Variants in GHR observed in about 807,000 individuals in gnomAD.
GHR encodes the protein GH receptor.
Under a neutral mutation model 67.1 loss-of-function variants are expected in GHR, and 35 were observed. The ratio of observed to expected loss-of-function variants is 0.52; its 90% CI spans 0.40 to 0.69. The LOEUF is 0.69. Among genes scored for constraint, GHR ranks in the 30% least tolerant of loss-of-function variants. The pLI is 0.00. For missense variants in GHR, 792 were observed against 764.6 expected (o/e 1.04, Z -0.42); for synonymous variants, 272 against 269.1 (o/e 1.01, Z -0.10).
chr5:42,719,165 A>T lies in GHR; in HGVS notation c.1658A>T (p.Glu553Val), dbSNP rs1758890001. Residue 553 changes from glutamate (E) to valine (V), a missense_variant, in exon 10 of 10, where the codon GAA (glutamate) becomes GTA (valine). Glu to Val is a moderately radical substitution (Grantham distance 121, BLOSUM62 -2). Coordinates refer to ENST00000230882, the MANE Select transcript of GHR (RefSeq NM_000163.5). Reference sequence around the variant, plus strand: ...CCTGTGGCTCCTCACATCAAGGTTGAATCACACATACAGCCAAGCTTAAAC... The same window carrying T: ...CCTGTGGCTCCTCACATCAAGGTTGTATCACACATACAGCCAAGCTTAAAC... ...CIPVAPHIKV[E>V]SHIQPSLNQE... 6.2e-7 allele frequency: 1 copy of T among 1,614,034 alleles called. No individual in the cohort carries two copies. The highest frequency in any genetic ancestry group is 8.5e-7 in the Non-Finnish European group (1 of 1,180,006).
At chr5:42,693,428 C>G (rs1033070903) in intron 4 of GHR, among the ~76,000 whole-genome samples, 1 of 151,992 alleles carries the variant, frequency 6.6e-6, no homozygotes, top group Non-Finnish European at 1.5e-5. Context: ...CATGAACCAC[C>G]GTACCCAGCC....
chr5:42,525,663 C>T (rs976401625), intron 1 of GHR, among the ~76,000 whole-genome samples: 2 of 152,152 alleles, frequency 1.3e-5, no homozygotes, highest in African/African-American at 4.8e-5. Flanking sequence ...GCTGTGTCCC[C>T]ACCCAAATCT....
chr5:42,716,914 A>G (rs1758752742), intron 8 of GHR, among the ~76,000 whole-genome samples: 1 of 152,226 alleles, frequency 6.6e-6, no homozygotes, highest in Non-Finnish European at 1.5e-5. Context: ...TCTTCATGAC[A>G]GTGTCATCTC....
intron 1 of GHR, among the ~76,000 whole-genome samples, chr5:42,449,426 G>A (rs1743952961): frequency 6.6e-6 from 1 of 152,058 alleles, no homozygotes; most frequent in South Asian, 2.1e-4. Context: ...TTCTTGATTT[G>A]ACTCTCAGCT....
At chr5:42,664,730 A>C (rs902143216) in intron 3 of GHR, among the ~76,000 whole-genome samples, 21 of 152,244 alleles carry the variant, frequency 1.4e-4, no homozygotes, top group Middle Eastern at 6.8e-3. Flanking sequence ...CAACAAAAGC[A>C]AAAATTGACA....
At chr5:42,684,852 C>A (rs906443067) in intron 3 of GHR, among the ~76,000 whole-genome samples, 1 of 152,176 alleles carries the variant, frequency 6.6e-6, no homozygotes, top group African/African-American at 2.4e-5. Context: ...TCAGGATTTT[C>A]TGAAGATTCA....
intron 1 of GHR, among the ~76,000 whole-genome samples, chr5:42,492,765 T>C (rs944360222): frequency 2.0e-5 from 3 of 152,176 alleles, no homozygotes; most frequent in African/African-American, 7.2e-5. Context: ...AGCTTAAAGG[T>C]ACTCTTAAGA....
At chr5:42,699,291 G>A (rs1290509299) in intron 5 of GHR, among the ~76,000 whole-genome samples, 1 of 151,000 alleles carries the variant, frequency 6.6e-6, no homozygotes, top group East Asian at 2.0e-4. Flanking sequence ...TGAAAGTACA[G>A]CTGACGGAAT....
intron 4 of GHR, among the ~76,000 whole-genome samples, chr5:42,691,297 T>C (rs914301116): frequency 6.6e-6 from 1 of 152,222 alleles, no homozygotes; most frequent in Non-Finnish European, 1.5e-5. Context: ...ACTTACAAAA[T>C]TAGATATTTG....
chr5:42,719,164 G>A lies in GHR; in HGVS notation c.1657G>A (p.Glu553Lys), dbSNP rs1371792355. The change falls in exon 10 of 10, where the codon GAA becomes AAA. Residue 553 changes from glutamate to lysine, a missense_variant. Physicochemically the swap from Glu to Lys is moderately conservative, Grantham distance 56. Coordinates refer to ENST00000230882, the MANE Select transcript of GHR (RefSeq NM_000163.5). ...CIPVAPHIKV[E>K]SHIQPSLNQE... Reference sequence around the variant, plus strand: ...CCCTGTGGCTCCTCACATCAAGGTTGAATCACACATACAGCCAAGCTTAAA... The same window carrying A: ...CCCTGTGGCTCCTCACATCAAGGTTAAATCACACATACAGCCAAGCTTAAA... 2.5e-6 allele frequency: 4 copies of A among 1,614,124 alleles called. No individual in the cohort carries two copies. The highest frequency in any genetic ancestry group is 1.1e-5 in the South Asian group (1 of 91,078).
Position 42,600,918 on chromosome 5 carries a change from C to CTTTTTTTTTT in GHR, c.71-28104_71-28095dup, listed in dbSNP as rs933355797. Among the ~76,000 whole-genome samples, 199 of 66,710 alleles carry CTTTTTTTTTT rather than the reference C, an allele frequency of 3.0e-3. 2 individuals are homozygous for CTTTTTTTTTT. Among genetic ancestry groups the CTTTTTTTTTT allele is most frequent in the Admixed American group, 4.6e-3 (20 of 4,360 alleles). The allele number at this position is 66,710 out of a possible 152,430, so 43.8% of individuals were successfully genotyped here. ...GAAATTAAAATCTATTCTTTCTATT[C>CTTTTTTTTTT]TTTTTTTTTTTTTTTTTTTTTTTTT... On this transcript the variant is annotated intron_variant, in intron 2 of 9. Transcript: ENST00000230882.
At chr5:42,472,851 C>T (rs916968521) in intron 1 of GHR, among the ~76,000 whole-genome samples, 1 of 152,130 alleles carries the variant, frequency 6.6e-6, no homozygotes, top group African/African-American at 2.4e-5. Context: ...ACCAGGTCAT[C>T]CCAGAGGTTC....
chr5:42,719,966 T>TA lies in GHR; in HGVS notation c.*542_*543insA, dbSNP rs11369980. The TA allele has an allele frequency of 0.76, 138,675 of 182,544 alleles. 53,345 individuals are homozygous for TA. The highest frequency in any genetic ancestry group is 1 in the East Asian group (6,646 of 6,652). The allele number at this position is 182,544 out of a possible 1,614,324, so 11.3% of individuals were successfully genotyped here. A position where few individuals can be genotyped will look rare whatever the true frequency, so the allele number is the denominator to read the frequency against. On this transcript the variant is annotated 3_prime_UTR_variant, in exon 10 of 10. Transcript: ENST00000230882. ...TATTTTGACATAAAGTTGATAAAGATTTTTTAATAATTTAGACTTCAAGCA... is the reference window on the plus strand; with the variant it reads ...TATTTTGACATAAAGTTGATAAAGATATTTTTAATAATTTAGACTTCAAGCA...
At chr5:42,548,364 C>T in intron 1 of GHR, 2 of 985,266 alleles carry the variant, frequency 2.0e-6, no homozygotes, top group Non-Finnish European at 2.4e-6. Flanking sequence ...GGGATCCCAC[C>T]TCCAACCCCT....
intron 3 of GHR, among the ~76,000 whole-genome samples, chr5:42,662,475 G>A (rs1216903044): frequency 6.6e-6 from 1 of 152,092 alleles, no homozygotes; most frequent in Admixed American, 6.5e-5. Context: ...TCAACTACAT[G>A]GAAACTGAAC....
In GHR at chr5:42,569,365, A is replaced by G. The variant is rs146352979; in HGVS notation, c.70+3421A>G. ...CCAGGGTGTGTGGTACATAGGTGCT[A>G]TATTTGTAATTATTCCCTTTGGAAG... On this transcript the variant is annotated intron_variant, in intron 2 of 9. Transcript: ENST00000230882. 3.1e-3 allele frequency among the ~76,000 whole-genome samples: 474 copies of G among 152,330 alleles called. 1 individual carries two copies. The highest frequency in any genetic ancestry group is 0.011 in the African/African-American group (457 of 41,572).
At chr5:42,524,783 A>G (rs1223183503) in intron 1 of GHR, among the ~76,000 whole-genome samples, 1 of 152,146 alleles carries the variant, frequency 6.6e-6, no homozygotes, top group East Asian at 1.9e-4. Context: ...TTGGTGCTCT[A>G]TGTCCCACCT....
At chr5:42,634,117 G>A (rs1754054138) in intron 3 of GHR, among the ~76,000 whole-genome samples, 1 of 151,616 alleles carries the variant, frequency 6.6e-6, no homozygotes, top group Non-Finnish European at 1.5e-5. Flanking sequence ...TAAATTTTAT[G>A]ATCTCTTTGT....
intron 2 of GHR, among the ~76,000 whole-genome samples, chr5:42,589,576 G>T (rs1751667349): frequency 6.6e-6 from 1 of 152,106 alleles, no homozygotes; most frequent in African/African-American, 2.4e-5. Flanking sequence ...CTGAACTATT[G>T]ATTATTGTGT....
Sources: gnomAD v4.1 joint callset for allele counts (sites outside exome capture counted in the v4.1 genomes callset) on GRCh38, gnomAD v4.1.1 for gene constraint, MANE v1.5 for transcripts, NCBI Gene and HGNC (gene_info 2026-07-23, HGNC 2026-07-21) for gene names.